Variants in FKBP5 observed in about 807,000 individuals in gnomAD.
FKBP5 encodes FKBP prolyl isomerase 5, also known as peptidyl-prolyl cis-trans isomerase FKBP5.
A neutral mutation model predicts 50.5 loss-of-function variants in FKBP5; 23 were observed. The ratio of observed to expected loss-of-function variants is 0.46; its 90% CI spans 0.33 to 0.65. The LOEUF (loss-of-function observed/expected upper bound fraction) is 0.65, where lower values mean the gene tolerates loss of function less well. FKBP5 is among the 30% of genes least tolerant of loss of function. The pLI is 0.02. For synonymous variants in FKBP5, 176 were observed against 190.6 expected, an observed-to-expected ratio of 0.92 and a Z score of 0.63; for missense variants, 411 against 553.1, an observed-to-expected ratio of 0.74 and a Z score of 2.58.
At chr6:35,596,043 T>C (rs1762973584) in intron 6 of FKBP5, among the ~76,000 whole-genome samples, 1 of 151,930 alleles carries the variant, frequency 6.6e-6, no homozygotes, top group Admixed American at 6.6e-5. Context: ...GGTAGTTGCA[T>C]GGCTAGATCA....
intron 2 of FKBP5, among the ~76,000 whole-genome samples, chr6:35,705,411 C>T (rs1324614743): frequency 1.3e-5 from 2 of 150,322 alleles, no homozygotes; most frequent in Non-Finnish European, 3.0e-5. Flanking sequence ...GGATTACAGG[C>T]ACACACCACC....
At chr6:35,622,624 T>C (rs111355550) in intron 3 of FKBP5, among the ~76,000 whole-genome samples, 1 of 152,298 alleles carries the variant, frequency 6.6e-6, no homozygotes, top group African/African-American at 2.4e-5. Flanking sequence ...AACTGTTACG[T>C]TTCTTTGGTA....
intron 3 of FKBP5, among the ~76,000 whole-genome samples, chr6:35,623,268 A>G (rs1251851630): frequency 6.6e-6 from 1 of 152,262 alleles, no homozygotes; most frequent in Non-Finnish European, 1.5e-5. Context: ...ATAAAGAGTT[A>G]TTAGATAAAA....
At chr6:35,635,026 C>CAAA (rs35794477) in intron 3 of FKBP5, among the ~76,000 whole-genome samples, 10 of 75,110 alleles carry the variant, frequency 1.3e-4, no homozygotes, top group Admixed American at 1.5e-4. Context: ...CCTGTCTCTA[C>CAAA]AAAAAAAAAA....
chr6:35,656,688 G>A (rs1212745383), intron 1 of FKBP5, among the ~76,000 whole-genome samples: 1 of 152,024 alleles, frequency 6.6e-6, no homozygotes, highest in Non-Finnish European at 1.5e-5. Context: ...TCAGGAGTTC[G>A]AGATTTGAGA....
intron 2 of FKBP5, among the ~76,000 whole-genome samples, chr6:35,701,254 T>G (rs1373793266): frequency 6.7e-6 from 1 of 150,174 alleles, no homozygotes; most frequent in African/African-American, 2.4e-5. Flanking sequence ...TTTTGTTTTT[T>G]TTTTTTTGAG....
intron 1 of FKBP5, among the ~76,000 whole-genome samples, chr6:35,687,788 T>G (rs1306310804): frequency 6.6e-6 from 1 of 152,116 alleles, no homozygotes; most frequent in East Asian, 1.9e-4. Flanking sequence ...CACTGAAGGG[T>G]ATCTACAATT....
rs139673127 is a variant in FKBP5 at position 35,661,050 on chromosome 6, A to T, written c.-19-18207T>A. On this transcript the variant is annotated intron_variant, in intron 1 of 10. Transcript: ENST00000357266. ...TGGGAGATTTCTTTTTAGGGTTATA[A>T]ATGTTCCAAAGTGGGACAGCAGTAA... Among the ~76,000 whole-genome samples the T allele has an allele frequency of 1.8e-3, 155 of 84,674 alleles. 66 individuals carry two copies. The East Asian group carries it at 0.057, about 31-fold the overall frequency. 55.5% of individuals were successfully genotyped at this position (84,674 alleles called of 152,430 possible). A position where few individuals can be genotyped will look rare whatever the true frequency, so the allele number is the denominator to read the frequency against.
intron 7 of FKBP5, among the ~76,000 whole-genome samples, chr6:35,590,295 T>A (rs1762774174): frequency 6.6e-6 from 1 of 151,164 alleles, no homozygotes. Flanking sequence ...AGTGAGACCC[T>A]ATCTCAAAAA....
intron 2 of FKBP5, among the ~76,000 whole-genome samples, chr6:35,699,580 G>T (rs1259412170): frequency 6.6e-6 from 1 of 152,100 alleles, no homozygotes; most frequent in Non-Finnish European, 1.5e-5. Flanking sequence ...TGCTAGTATT[G>T]AGCTTGACGT....
chr6:35,676,945 T>C (rs1466289308), intron 1 of FKBP5, among the ~76,000 whole-genome samples: 1 of 152,188 alleles, frequency 6.6e-6, no homozygotes, highest in Non-Finnish European at 1.5e-5. Flanking sequence ...TTCTATTTTA[T>C]CTCCTCCCAA....
At chr6:35,688,123 A>G (rs566408595) in intron 1 of FKBP5, among the ~76,000 whole-genome samples, 1 of 152,344 alleles carries the variant, frequency 6.6e-6, no homozygotes, top group South Asian at 2.1e-4. Context: ...GGACTCCTCC[A>G]CAAGCGGCCG....
chr6:35,600,451 G>C (rs1763113137), intron 5 of FKBP5, among the ~76,000 whole-genome samples: 1 of 151,452 alleles, frequency 6.6e-6, no homozygotes, highest in Admixed American at 6.6e-5. Flanking sequence ...AGTAAAAATT[G>C]ATATTTCTAA....
At chr6:35,688,171 C>T (rs1038899931) in intron 1 of FKBP5, among the ~76,000 whole-genome samples, 4 of 152,230 alleles carry the variant, frequency 2.6e-5, no homozygotes, top group African/African-American at 9.6e-5. Context: ...TGTCCCGAGG[C>T]GGCAGGTGAA....
intron 2 of FKBP5, among the ~76,000 whole-genome samples, chr6:35,719,712 G>A (rs1257089710): frequency 1.3e-5 from 2 of 152,138 alleles, no homozygotes; most frequent in African/African-American, 4.8e-5. Flanking sequence ...CTTGCTTCCC[G>A]GATTCATGGA....
Position 35,574,029 on chromosome 6 carries a change from C to A in FKBP5, c.*1806G>T, listed in dbSNP as rs564681085. On this transcript the variant is annotated 3_prime_UTR_variant, in exon 11 of 11. Transcript: ENST00000357266. ...CTCACTGGAACCATGCTCTACAGAG[C>A]TTTCCCAACAGTTTAGCAAGTAAGC... is the stretch of plus-strand genomic sequence containing the variant. 5 of 152,352 alleles carry A rather than the reference C, an allele frequency of 3.3e-5. No homozygotes were observed. The highest frequency in any genetic ancestry group is 1.2e-4 in the African/African-American group (5 of 41,586). The allele number at this position is 152,352 out of a possible 1,614,324, so 9.4% of individuals were successfully genotyped here.
At chr6:35,683,021 T>C (rs748590075) in intron 1 of FKBP5, among the ~76,000 whole-genome samples, 1 of 151,748 alleles carries the variant, frequency 6.6e-6, no homozygotes, top group Admixed American at 6.6e-5. Context: ...TGTGTGTATA[T>C]ATATGTCTCT....
intron 8 of FKBP5, chr6:35,585,132 A>G: frequency 1.3e-5 from 13 of 983,578 alleles, no homozygotes; most frequent in Non-Finnish European, 1.6e-5. Context: ...TTCTAGTCAA[A>G]GGCCAAAAGC....
chr6:35,658,674 T>A (rs1765025118), intron 1 of FKBP5, among the ~76,000 whole-genome samples: 1 of 88,306 alleles, frequency 1.1e-5, no homozygotes, highest in African/African-American at 3.5e-5. Context: ...ACATTGGTTT[T>A]CAAATGTTAA....
Sources: gnomAD v4.1 joint callset for allele counts (sites outside exome capture counted in the v4.1 genomes callset) on GRCh38, gnomAD v4.1.1 for gene constraint, MANE v1.5 for transcripts, NCBI Gene and HGNC (gene_info 2026-07-23, HGNC 2026-07-21) for gene names.